CSGALNACT1: variants seen among roughly 807,000 people sequenced by gnomAD.
The protein encoded by CSGALNACT1 is beta4GalNAcT-1.
CSGALNACT1 carries 52 observed loss-of-function variants against 51.0 expected under a neutral mutation model. That is an observed-to-expected ratio of 1.02 (90% CI 0.82 to 1.29). The LOEUF is 1.29. Among genes scored for constraint, CSGALNACT1 ranks in the 50% most tolerant of loss-of-function variants. CSGALNACT1 has a pLI of 0.00. For missense variants in CSGALNACT1, 935 were observed against 679.2 expected (o/e 1.38, Z -4.19); for synonymous variants, 341 against 254.4 (o/e 1.34, Z -3.24).
chr8:19,649,732 C>A (rs2057606530), intron 1 of CSGALNACT1, among the ~76,000 whole-genome samples: 4 of 143,362 alleles, frequency 2.8e-5, no homozygotes. Flanking sequence ...TCGTTTACTA[C>A]AGATTAGCCA....
chr8:19,601,801 T>C (rs1204975120), exon 2 of CSGALNACT1: 1 of 453,968 alleles, frequency 2.2e-6, no homozygotes, highest in Non-Finnish European at 4.4e-6. Context: ...GGTTAGGAGG[T>C]GGCTACATCA....
At chr8:19,704,972 A>G (rs1425352920) in intron 1 of CSGALNACT1, among the ~76,000 whole-genome samples, 2 of 152,228 alleles carry the variant, frequency 1.3e-5, no homozygotes, top group Non-Finnish European at 2.9e-5. Flanking sequence ...TAAATGATGC[A>G]AACTTTCCAT....
chr8:19,525,737 G>T lies in CSGALNACT1; in HGVS notation c.-296-19607C>A, dbSNP rs144828374. ...AGTGACAACAGAGAGAAAGCAGCCT[G>T]CCCTCGGAGCACATTTGAGGTACAT... On this transcript the variant is annotated intron_variant, in intron 3 of 9. Transcript: ENST00000454498. Among the ~76,000 whole-genome samples the T allele has an allele frequency of 4.3e-3, 646 of 149,094 alleles. 5 individuals are homozygous for T. Among genetic ancestry groups the T allele is most frequent in the African/African-American group, 0.015 (600 of 40,472 alleles).
At chr8:19,555,963 A>C (rs2089608693) in intron 3 of CSGALNACT1, among the ~76,000 whole-genome samples, 1 of 152,202 alleles carries the variant, frequency 6.6e-6, no homozygotes, top group Admixed American at 6.5e-5. Flanking sequence ...TCCCATTTTT[A>C]AAACAGCCAT....
chr8:19,651,933 TTG>T (rs1336797210), intron 1 of CSGALNACT1, among the ~76,000 whole-genome samples: 10 of 130,060 alleles, frequency 7.7e-5, no homozygotes, highest in Non-Finnish European at 1.4e-4. Context: ...TTGTTTTGTT[TTG>T]TTTTGACTTT....
intron 1 of CSGALNACT1, among the ~76,000 whole-genome samples, chr8:19,666,946 AG>A (rs2059319862): frequency 6.6e-5 from 1 of 15,072 alleles, no homozygotes; most frequent in African/African-American, 3.7e-4. Context: ...AGAGAGAAAA[AG>A]AAAGAAAGAA....
chr8:19,505,460 G>C, exon 4 of CSGALNACT1: 5 of 1,614,192 alleles, frequency 3.1e-6, no homozygotes, highest in Non-Finnish European at 3.4e-6. Flanking sequence ...CCACCTGCGA[G>C]TGCAGGAAGG....
Position 19,411,116 on chromosome 8 carries a change from G to C in CSGALNACT1, c.1228-2422C>G, listed in dbSNP as rs190026147. Among the ~76,000 whole-genome samples the C allele has an allele frequency of 2.0e-5, 3 of 152,208 alleles. No individual in the cohort carries two copies. The East Asian group carries it at 5.8e-4, about 29-fold the overall frequency. ...AGGTCTCCAAGGCCAGATACTTGCA[G>C]TCCTTCCTGCCTGGGTCACCCTTTC... On this transcript the variant is annotated intron_variant, in intron 8 of 9. Transcript: ENST00000454498.
intron 1 of CSGALNACT1, among the ~76,000 whole-genome samples, chr8:19,719,348 G>C (rs1338791567): frequency 6.6e-6 from 1 of 152,168 alleles, no homozygotes; most frequent in Non-Finnish European, 1.5e-5. Context: ...GTGATGCGAG[G>C]TTGACAAGTG....
intron 3 of CSGALNACT1, among the ~76,000 whole-genome samples, chr8:19,588,794 G>T (rs909030313): frequency 2.5e-4 from 38 of 152,118 alleles, no homozygotes; most frequent in African/African-American, 8.9e-4. Context: ...GATGCGAGAG[G>T]GCAGAAGACC....
exon 10 of CSGALNACT1, chr8:19,405,048 CT>C (rs768057459): frequency 4.0e-5 from 18 of 453,182 alleles, no homozygotes; most frequent in South Asian, 2.8e-4. Flanking sequence ...CTCAAAGTAT[CT>C]TCTTAAAAAA....
At chr8:19,638,759 C>T (rs899137368) in intron 1 of CSGALNACT1, among the ~76,000 whole-genome samples, 4 of 151,944 alleles carry the variant, frequency 2.6e-5, no homozygotes, top group Non-Finnish European at 4.4e-5. Context: ...GACAGAGTGT[C>T]AATTCATTTG....
intron 1 of CSGALNACT1, among the ~76,000 whole-genome samples, chr8:19,720,158 C>T (rs1652772916): frequency 6.6e-6 from 1 of 152,330 alleles, no homozygotes; most frequent in East Asian, 1.9e-4. Flanking sequence ...GGAGCCACTA[C>T]CCCTGTCCTT....
chr8:19,755,456 C>CAAAAAAGAAAAAAAAAAAAAAAAAA (rs2065299633), intron 1 of CSGALNACT1, among the ~76,000 whole-genome samples: 1 of 74,532 alleles, frequency 1.3e-5, no homozygotes, highest in Non-Finnish European at 2.5e-5. Flanking sequence ...TAAAGAAAGA[C>CAAAAAAGAAAAAAAAAAAAAAAAAA]AAAAAAAAAA....
chr8:19,562,484 G>GGA (rs1554708384), intron 3 of CSGALNACT1, among the ~76,000 whole-genome samples: 61 of 129,330 alleles, frequency 4.7e-4, no homozygotes, highest in African/African-American at 1.7e-3. Context: ...CTTCTGCACA[G>GGA]AAAAAAAAAA....
intron 3 of CSGALNACT1, among the ~76,000 whole-genome samples, chr8:19,514,523 T>G (rs1436984768): frequency 3.9e-4 from 37 of 93,878 alleles, no homozygotes; most frequent in Non-Finnish European, 1.1e-4. Flanking sequence ...ATGTATCTAT[T>G]TAAAAATTAT....
rs190943475 is a variant in CSGALNACT1, at chr8:19,697,171, C to T, written c.-297+60679G>A. 8.6e-5 allele frequency among the ~76,000 whole-genome samples: 13 copies of T among 151,950 alleles called. No individual in the cohort carries two copies. In the East Asian group the frequency reaches 2.1e-3, roughly 25 times the overall value. ...AGAGGCAAGGATGGAGACAAAGAGA[C>T]CAAATAAGAGGCAATAGCAATGGAG... On this transcript the variant is annotated intron_variant, in intron 1 of 1. Coordinates refer to the CSGALNACT1 transcript ENST00000517494.
chr8:19,728,342 A>G (rs2063513872), intron 1 of CSGALNACT1, among the ~76,000 whole-genome samples: 1 of 152,230 alleles, frequency 6.6e-6, no homozygotes, highest in Admixed American at 6.5e-5. Flanking sequence ...TCTACAGGTC[A>G]GCTCTAAAAA....
chr8:19,505,462 G>A (rs756494914), exon 4 of CSGALNACT1: 8 of 1,614,182 alleles, frequency 5.0e-6, no homozygotes, highest in Non-Finnish European at 6.8e-6. Context: ...ACCTGCGAGT[G>A]CAGGAAGGCC....
Sources: allele counts gnomAD v4.1 joint callset (sites outside exome capture counted in the v4.1 genomes callset), GRCh38; gene constraint gnomAD v4.1.1; transcripts MANE v1.5; gene names NCBI Gene and HGNC (gene_info 2026-07-23, HGNC 2026-07-21).